Variants in HVCN1 observed in about 807,000 individuals in gnomAD.
HVCN1 encodes the protein voltage-gated hydrogen channel 1.
Under a neutral mutation model 29.2 loss-of-function variants are expected in HVCN1, and 14 were observed. The observed-to-expected ratio is 0.48, with a 90% CI of 0.32 to 0.75. HVCN1 has a LOEUF of 0.75. HVCN1 is among the 30% of genes least tolerant of loss of function. The pLI, the probability that HVCN1 is intolerant of heterozygous loss-of-function variation, is 0.04. For synonymous variants in HVCN1, 131 were observed against 133.2 expected, an observed-to-expected ratio of 0.98 and a Z score of 0.11; for missense variants, 263 against 341.8, an observed-to-expected ratio of 0.77 and a Z score of 1.82.
intron 3 of HVCN1, among the ~76,000 whole-genome samples, chr12:110,668,563 TATTTC>T (rs1190146693): frequency 1.3e-5 from 2 of 152,204 alleles, no homozygotes; most frequent in Non-Finnish European, 2.9e-5. Context: ...CATCCTTGGA[TATTTC>T]ATTTCTCTGC....
intron 2 of HVCN1, among the ~76,000 whole-genome samples, chr12:110,697,330 A>T (rs188807478): frequency 1.6e-3 from 244 of 152,152 alleles, no homozygotes; most frequent in Non-Finnish European, 2.8e-3. Context: ...GCAGGTGAGG[A>T]AGAGGCTGCA....
chr12:110,688,220 A>G (rs1240991328), intron 2 of HVCN1: 1 of 152,248 alleles, frequency 6.6e-6, no homozygotes, highest in Non-Finnish European at 1.5e-5. Flanking sequence ...AGGTAGGTAC[A>G]TGCTTAACCT....
At chr12:110,650,037 G>T in intron 7 of HVCN1, 131 bp downstream of exon 7, 1 of 593,848 alleles carries the variant, frequency 1.7e-6, no homozygotes, top group Non-Finnish European at 3.1e-6. Flanking sequence ...CAGAGACAGG[G>T]TTTCTCCATG....
chr12:110,698,996 T>C (rs747223532), intron 2 of HVCN1, among the ~76,000 whole-genome samples: 15 of 152,142 alleles, frequency 9.9e-5, no homozygotes, highest in Admixed American at 6.5e-4. Context: ...GGCATGGTGG[T>C]GTGCATCTGT....
At chr12:110,687,269 C>G (rs1020880886) in intron 2 of HVCN1, among the ~76,000 whole-genome samples, 2 of 148,068 alleles carry the variant, frequency 1.4e-5, no homozygotes, top group Admixed American at 6.7e-5. Context: ...CCCCCCCCCC[C>G]AGCTAAGCAC....
chr12:110,658,140 A>C lies in HVCN1; in HGVS notation c.307-2802T>G, dbSNP rs958985567. Among the ~76,000 whole-genome samples the C allele has an allele frequency of 6.6e-6, 1 of 152,116 alleles. No homozygotes were observed. Among genetic ancestry groups the C allele is most frequent in the Non-Finnish European group, 1.5e-5 (1 of 68,026 alleles). ...TTGGCTCCACTCTGTCCTGTCATTC[A>C]TGGCTTCCTTGGGCCCTGAATAACC... On this transcript the variant is annotated intron_variant, in intron 4 of 7. Transcript: ENST00000242607. The surrounding 1 kb of genome is among the most constrained non-coding windows in gnomAD (Gnocchi z 5.0).
At chr12:110,655,412 G>A (rs1004711979) in intron 4 of HVCN1, 74 bp from the exon 5 acceptor site, 6 of 1,181,860 alleles carry the variant, frequency 5.1e-6, no homozygotes, top group East Asian at 4.8e-5. Context: ...ATTAAGAGCT[G>A]GCTTGGAAGC....
At position 110,687,265 on chromosome 12, in the gene HVCN1, C is replaced by G. The variant is rs375368412; in HGVS notation, c.-20+1360G>C. Among the ~76,000 whole-genome samples, 39 of 150,418 alleles carry G rather than the reference C, an allele frequency of 2.6e-4. 2 individuals carry two copies. Among genetic ancestry groups the G allele is most frequent in the African/African-American group, 8.0e-4 (33 of 41,002 alleles). On this transcript the variant is annotated intron_variant, in intron 2 of 7. Coordinates refer to ENST00000242607, the MANE Select transcript of HVCN1 (RefSeq NM_032369.4). ...TATACAAGACAGACCACACCCCCCCCCCCCAGCTAAGCACTGGGAAGCCAG... is the reference window on the plus strand; with the variant it reads ...TATACAAGACAGACCACACCCCCCCGCCCCAGCTAAGCACTGGGAAGCCAG...
chr12:110,653,370 G>C (rs2067877363), intron 5 of HVCN1, among the ~76,000 whole-genome samples: 1 of 152,082 alleles, frequency 6.6e-6, no homozygotes, highest in Admixed American at 6.6e-5. Context: ...TGAGGCGGGA[G>C]GAAGGCTTGA....
Position 110,649,146 on chromosome 12 carries a change from G to C in HVCN1, c.*264C>G. On this transcript the variant is annotated 3_prime_UTR_variant, in exon 8 of 8. Transcript: ENST00000242607. ...CAACTAGCAATTGTCCAGCTTTGTT[G>C]CTCATTTTCAATTAAGGCTAAAGTG... 1.5e-6 allele frequency: 1 copy of C among 675,686 alleles called. No individual in the cohort carries two copies. The highest frequency in any genetic ancestry group is 2.8e-5 in the East Asian group (1 of 35,806). The allele number at this position is 675,686 out of a possible 1,614,324, so 41.9% of individuals were successfully genotyped here.
chr12:110,651,979 G>GCAA (rs1417834431), intron 5 of HVCN1, among the ~76,000 whole-genome samples: 1 of 152,200 alleles, frequency 6.6e-6, no homozygotes, highest in Non-Finnish European at 1.5e-5. Context: ...GCCAGTCTGG[G>GCAA]CAACATAGCA....
At chr12:110,688,914 C>CG in intron 1 of HVCN1, among the ~76,000 whole-genome samples, 166 bp downstream of exon 1, 1 of 152,110 alleles carries the variant, frequency 6.6e-6, no homozygotes, top group East Asian at 1.9e-4. Context: ...ACGCCAGAGC[C>CG]GAGGGCAACC....
At chr12:110,693,647 A>G (rs2069447515), upstream of HVCN1, among the ~76,000 whole-genome samples, 1 of 152,224 alleles carries the variant, frequency 6.6e-6, no homozygotes, top group African/African-American at 2.4e-5. Flanking sequence ...ATCTCAAAAT[A>G]TAACTTATAT....
intron 3 of HVCN1, among the ~76,000 whole-genome samples, chr12:110,662,235 GA>G (rs112306425): frequency 0.13 from 19,472 of 150,914 alleles, 1,718 homozygotes; most frequent in African/African-American, 0.25. Flanking sequence ...TTGTCAATAG[GA>G]AAAAAAAATC....
At chr12:110,681,372 A>G (rs964238710) in intron 3 of HVCN1, among the ~76,000 whole-genome samples, 1 of 152,142 alleles carries the variant, frequency 6.6e-6, no homozygotes, top group Admixed American at 6.5e-5. Context: ...AAGATTCTTG[A>G]TACACATGGT....
chr12:110,666,215 G>A (rs939281024), intron 3 of HVCN1, among the ~76,000 whole-genome samples: 1 of 151,810 alleles, frequency 6.6e-6, no homozygotes, highest in African/African-American at 2.4e-5. Context: ...TCAGGAGATT[G>A]AGACCATCCT....
chr12:110,694,389 G>A (rs947686385), upstream of HVCN1, among the ~76,000 whole-genome samples: 1 of 152,208 alleles, frequency 6.6e-6, no homozygotes, highest in African/African-American at 2.4e-5. The surrounding 1 kb of genome is among the most constrained non-coding windows in gnomAD (Gnocchi z 4.6). Flanking sequence ...GAAGATCTGA[G>A]TACAGCCCTG....
intron 3 of HVCN1, among the ~76,000 whole-genome samples, chr12:110,680,404 T>A (rs1158147045): frequency 1.3e-5 from 2 of 151,896 alleles, no homozygotes; most frequent in Non-Finnish European, 2.9e-5. Context: ...ACCCCCAGCC[T>A]CATTTGGAAC....
At chr12:110,697,279 A>G (rs1302563262) in intron 2 of HVCN1, among the ~76,000 whole-genome samples, 1 of 152,092 alleles carries the variant, frequency 6.6e-6, no homozygotes, top group South Asian at 2.1e-4. Flanking sequence ...ATCCCCTTCC[A>G]GAGTGTTGAC....
Sources: gnomAD v4.1 joint callset for allele counts (sites outside exome capture counted in the v4.1 genomes callset) on GRCh38, gnomAD v4.1.1 for gene constraint, Gnocchi (gnomAD v3.1) non-coding constraint, MANE v1.5 for transcripts, NCBI Gene and HGNC (gene_info 2026-07-23, HGNC 2026-07-21) for gene names.